Variants in RYR3 observed in about 807,000 individuals in gnomAD.
The protein encoded by RYR3 is brain ryanodine receptor-calcium release channel.
A neutral mutation model predicts 584.3 loss-of-function variants in RYR3; 207 were observed. The ratio of observed to expected loss-of-function variants is 0.35; its 90% confidence interval spans 0.32 to 0.40. The LOEUF (loss-of-function observed/expected upper bound fraction) is 0.40, where lower values mean the gene tolerates loss of function less well. Among genes scored for constraint, RYR3 ranks in the 10% least tolerant of loss-of-function variants. The probability of loss-of-function intolerance (pLI) is 1.00; values close to 1 mark genes in which losing one functional copy is unlikely to be tolerated. For missense variants in RYR3, 5,616 were observed against 6,089.2 expected, an observed-to-expected ratio of 0.92 and a Z score of 2.59; for synonymous variants, 2,416 against 2,248.5, an observed-to-expected ratio of 1.07 and a Z score of -2.11.
At chr15:33,474,864 G>A (rs1442148075) in intron 2 of RYR3, among the ~76,000 whole-genome samples, 1 of 152,242 alleles carries the variant, frequency 6.6e-6, no homozygotes, top group East Asian at 1.9e-4. Context: ...AAGCCTTCTT[G>A]TACTTCTCCC....
intron 25 of RYR3, among the ~76,000 whole-genome samples, chr15:33,635,069 G>C (rs1179914551): frequency 6.6e-6 from 1 of 152,106 alleles, no homozygotes; most frequent in East Asian, 1.9e-4. Flanking sequence ...GTGAATATCA[G>C]CTTACTTTTA....
At chr15:33,828,138 G>A (rs2059955) in intron 85 of RYR3, among the ~76,000 whole-genome samples, 54,109 of 151,964 alleles carry the variant, frequency 0.36, 9,944 homozygotes, top group South Asian at 0.54. Flanking sequence ...AGTGATCTTC[G>A]ATGTTACTAT....
At chr15:33,794,179 TTATA>T (rs2075399141) in intron 67 of RYR3, among the ~76,000 whole-genome samples, 1 of 78,406 alleles carries the variant, frequency 1.3e-5, no homozygotes, top group African/African-American at 3.5e-5. Context: ...CAAATATACA[TTATA>T]TATAAATATA....
chr15:33,750,196 A>G lies in RYR3; in HGVS notation c.8309A>G (p.Asp2770Gly). The change falls in exon 57 of 104, where the codon GAC (aspartate) becomes GGC (glycine). Residue 2770 changes from aspartate (D) to glycine (G), a missense_variant. Coordinates refer to ENST00000634891, the MANE Select transcript of RYR3 (RefSeq NM_001036.6). ...AGCCACCCTCTTCTGGTACCATATG[A>G]CACCTTGACTGCCAAGGAAAAGTTC... ...GGSHPLLVPY[D>G]TLTAKEKFKD... The G allele has an allele frequency of 6.2e-7, 1 of 1,609,476 alleles. No individual in the cohort carries two copies.
At chr15:33,541,025 G>A (rs2055773077) in intron 7 of RYR3, 135 bp downstream of exon 7, 1 of 593,360 alleles carries the variant, frequency 1.7e-6, no homozygotes, top group Non-Finnish European at 3.0e-6. Flanking sequence ...GCTCACTTGA[G>A]TTTCTTTCTC....
At chr15:33,499,213 C>G (rs2051729490) in intron 2 of RYR3, among the ~76,000 whole-genome samples, 1 of 150,632 alleles carries the variant, frequency 6.6e-6, no homozygotes, top group Admixed American at 6.6e-5. Flanking sequence ...CCTGCCTCTC[C>G]TCCTCTCTCC....
intron 2 of RYR3, among the ~76,000 whole-genome samples, chr15:33,490,821 A>G (rs1007805926): frequency 1.3e-5 from 2 of 151,628 alleles, no homozygotes; most frequent in African/African-American, 4.8e-5. Flanking sequence ...TCTCTGGTCA[A>G]TTTTTGACTT....
rs540296098 is a variant in RYR3 at position 33,436,883 on chromosome 15, A to G, written c.52-36536A>G. 2.6e-5 allele frequency among the ~76,000 whole-genome samples: 4 copies of G among 152,250 alleles called. No individual in the cohort carries two copies. In the East Asian group the frequency reaches 7.7e-4, roughly 29 times the overall value. On this transcript the variant is annotated intron_variant, in intron 1 of 103. Coordinates refer to ENST00000634891, the MANE Select transcript of RYR3 (RefSeq NM_001036.6). ...ATTTTTTGTTTTTTAAGTGGTCCTT[A>G]TCTACCACAATATCAAAAATATTTT...
rs2078151869 is a variant in RYR3, at chr15:33,838,104, G to C, written c.12124G>C (p.Glu4042Gln). Residue 4042 changes from glutamate (E) to glutamine (Q), a missense_variant, in exon 89 of 104, where the codon GAG becomes CAG. Coordinates refer to ENST00000634891, the MANE Select transcript of RYR3 (RefSeq NM_001036.6). Reference protein sequence around the residue: ...IEIMGGAKKIERVYFEISESS... With the variant: ...IEIMGGAKKIQRVYFEISESS... ...GATCATGGGTGGGGCCAAGAAGATT[G>C]AGCGTGTTTATTTTGAGATCAGTGA... 5.0e-6 allele frequency: 8 copies of C among 1,613,972 alleles called. No individual in the cohort carries two copies. The highest frequency in any genetic ancestry group is 5.9e-6 in the Non-Finnish European group (7 of 1,179,894).
chr15:33,340,234 A>G (rs1595774486), intron 1 of RYR3, among the ~76,000 whole-genome samples: 1 of 152,220 alleles, frequency 6.6e-6, no homozygotes, highest in African/African-American at 2.4e-5. Context: ...ATTGCAGGTT[A>G]GGAGAACTTA....
intron 19 of RYR3, among the ~76,000 whole-genome samples, chr15:33,618,894 G>A (rs1417870131): frequency 6.6e-6 from 1 of 152,110 alleles, no homozygotes; most frequent in Non-Finnish European, 1.5e-5. Flanking sequence ...ATTTGTAGTA[G>A]GTAGACCCAT....
At chr15:33,861,755 A>G (rs1245406553) in intron 102 of RYR3, among the ~76,000 whole-genome samples, 3 of 152,112 alleles carry the variant, frequency 2.0e-5, no homozygotes, top group Non-Finnish European at 4.4e-5. Context: ...GTCTTTTCTC[A>G]TTAATAGCTA....
At chr15:33,654,426 C>G (rs192840799) in intron 32 of RYR3, among the ~76,000 whole-genome samples, 12 of 151,574 alleles carry the variant, frequency 7.9e-5, no homozygotes, top group Admixed American at 3.9e-4. Context: ...AAGAGACTCA[C>G]TTGAGTCCGG....
At chr15:33,737,996 G>T (rs909175225) in intron 49 of RYR3, among the ~76,000 whole-genome samples, 1 of 152,098 alleles carries the variant, frequency 6.6e-6, no homozygotes, top group Non-Finnish European at 1.5e-5. Flanking sequence ...ATTGACGAGA[G>T]AAAATCTTCA....
chr15:33,322,149 T>A (rs1488301586), intron 1 of RYR3, among the ~76,000 whole-genome samples: 1 of 152,220 alleles, frequency 6.6e-6, no homozygotes, highest in East Asian at 1.9e-4. Context: ...ACATTTTATG[T>A]TAGGCCATTC....
At chr15:33,468,243 G>A (rs1218632698) in intron 1 of RYR3, among the ~76,000 whole-genome samples, 1 of 152,148 alleles carries the variant, frequency 6.6e-6, no homozygotes, top group Non-Finnish European at 1.5e-5. Flanking sequence ...GCTATAACAT[G>A]GTAGCACATG....
chr15:33,653,854 C>T (rs142401645), intron 32 of RYR3, among the ~76,000 whole-genome samples: 2 of 152,294 alleles, frequency 1.3e-5, no homozygotes, highest in Non-Finnish European at 2.9e-5. Flanking sequence ...CCACATATCA[C>T]ATCCACCTCT....
At chr15:33,323,740 A>G (rs112556961) in intron 1 of RYR3, among the ~76,000 whole-genome samples, 1 of 152,214 alleles carries the variant, frequency 6.6e-6, no homozygotes, top group African/African-American at 2.4e-5. Flanking sequence ...TTTTAACTCA[A>G]CCACATCCTG....
Position 33,756,302 on chromosome 15 carries a change from G to A in RYR3, c.8516-4G>A, listed in dbSNP as rs1201474536. Reference sequence around the variant, plus strand: ...CCAACTTTGTGTTACCTGTGTCTTCGTAGAAGCCATTGTCAGCAGTGGGAA... The same window carrying A: ...CCAACTTTGTGTTACCTGTGTCTTCATAGAAGCCATTGTCAGCAGTGGGAA... On this transcript the variant is annotated splice_region_variant and splice_polypyrimidine_tract_variant and intron_variant, in intron 58 of 103. Coordinates refer to ENST00000634891, the MANE Select transcript of RYR3 (RefSeq NM_001036.6). 4.5e-6 allele frequency: 7 copies of A among 1,571,672 alleles called. No homozygotes were observed. Among genetic ancestry groups the A allele is most frequent in the South Asian group, 1.2e-5 (1 of 85,258 alleles).
Sources: allele counts gnomAD v4.1 joint callset (sites outside exome capture counted in the v4.1 genomes callset), GRCh38; gene constraint gnomAD v4.1.1; transcripts MANE v1.5; gene names NCBI Gene and HGNC (gene_info 2026-07-23, HGNC 2026-07-21).